PPFIBP1: variants seen among roughly 807,000 people sequenced by gnomAD.
PPFIBP1 encodes liprin-beta-1.
A neutral mutation model predicts 137.8 loss-of-function variants in PPFIBP1; 112 were observed. The ratio of observed to expected loss-of-function variants is 0.81; its 90% CI spans 0.70 to 0.95. The LOEUF (loss-of-function observed/expected upper bound fraction) is 0.95, where lower values mean the gene tolerates loss of function less well. PPFIBP1 is among the 40% of genes least tolerant of loss of function. The pLI, the probability that PPFIBP1 is intolerant of heterozygous loss-of-function variation, is 0.00. For synonymous variants in PPFIBP1, 378 were observed against 417.3 expected (o/e 0.91, Z 1.15); for missense variants, 1,083 against 1,196.6 (o/e 0.91, Z 1.40).
intron 17 of PPFIBP1, among the ~76,000 whole-genome samples, chr12:27,675,190 G>A (rs1403856989): frequency 6.6e-6 from 1 of 151,992 alleles, no homozygotes; most frequent in African/African-American, 2.4e-5. Context: ...CAGCCTGATA[G>A]GCTACCTCCA....
chr12:27,677,027 C>T, intron 18 of PPFIBP1, 37 bp from the exon 19 acceptor site: 1 of 1,614,026 alleles, frequency 6.2e-7, no homozygotes, highest in Non-Finnish European at 8.5e-7. Flanking sequence ...CTCCATTGGG[C>T]TGCGTGTGAT....
chr12:27,680,840 T>G (rs936054143), intron 21 of PPFIBP1, among the ~76,000 whole-genome samples: 4 of 152,186 alleles, frequency 2.6e-5, no homozygotes, highest in Admixed American at 1.3e-4. Context: ...ATAGACTGAC[T>G]AGAAACCCTT....
intron 1 of PPFIBP1, among the ~76,000 whole-genome samples, chr12:27,551,882 T>G (rs1254380117): frequency 6.6e-6 from 1 of 152,226 alleles, no homozygotes; most frequent in Non-Finnish European, 1.5e-5. Flanking sequence ...TTTGACAGAC[T>G]GTGGTTCATA....
At chr12:27,593,095 G>A (rs12229895) in intron 2 of PPFIBP1, among the ~76,000 whole-genome samples, 40,122 of 135,636 alleles carry the variant, frequency 0.3, 6,862 homozygotes, top group Middle Eastern at 0.47. Context: ...TCACACCACT[G>A]CACTCCAGCC....
chr12:27,691,761 G>A lies in PPFIBP1; in HGVS notation c.2698G>A (p.Ala900Thr), dbSNP rs774377348. The stretch of plus-strand genomic sequence containing the variant: ...TTTTCTTTTAAAGCCAAAGAAACTT[G>A]CCTTTAGCAATTTTGGGAATTTGAG... ...ATAKVKPKKL[A>T]FSNFGNLRKK... Residue 900 changes from alanine to threonine, a missense_variant, in exon 28 of 30, where the codon GCC becomes ACC. Ala to Thr is a moderately conservative substitution (Grantham distance 58, BLOSUM62 0). Coordinates refer to ENST00000228425, the MANE Select transcript of PPFIBP1 (RefSeq NM_003622.4). 3.1e-6 allele frequency: 5 copies of A among 1,608,890 alleles called. No individual in the cohort carries two copies. Among genetic ancestry groups the A allele is most frequent in the Non-Finnish European group, 3.4e-6 (4 of 1,177,926 alleles).
intron 1 of PPFIBP1, among the ~76,000 whole-genome samples, chr12:27,563,951 C>T (rs577596603): frequency 8.0e-4 from 121 of 151,536 alleles, no homozygotes; most frequent in African/African-American, 2.8e-3. Context: ...TGGCTCACTG[C>T]AACCCCCGCC....
chr12:27,644,030 T>C (rs7307224), intron 4 of PPFIBP1, among the ~76,000 whole-genome samples: 82,379 of 149,604 alleles, frequency 0.55, 23,223 homozygotes, highest in Non-Finnish European at 0.6. Flanking sequence ...GGAGGAAACA[T>C]TGCTCTCATC....
chr12:27,610,731 G>T (rs752158342), intron 2 of PPFIBP1, among the ~76,000 whole-genome samples: 4 of 152,140 alleles, frequency 2.6e-5, no homozygotes, highest in Non-Finnish European at 4.4e-5. Context: ...ATATCTGTGT[G>T]TCGCTGCCAG....
intron 2 of PPFIBP1, among the ~76,000 whole-genome samples, chr12:27,595,554 C>T (rs1311069057): frequency 1.2e-4 from 19 of 152,052 alleles, no homozygotes; most frequent in Admixed American, 4.6e-4. Context: ...CTTTTGCTTC[C>T]AAAATATTCT....
intron 10 of PPFIBP1, among the ~76,000 whole-genome samples, chr12:27,660,379 C>T (rs1006380166): frequency 1.6e-4 from 24 of 152,138 alleles, no homozygotes; most frequent in African/African-American, 5.6e-4. Flanking sequence ...ATTATCCTTA[C>T]GTATGGAACT....
chr12:27,565,845 G>GC (rs1357633315), intron 1 of PPFIBP1, among the ~76,000 whole-genome samples: 1 of 151,386 alleles, frequency 6.6e-6, no homozygotes, highest in Non-Finnish European at 1.5e-5. Flanking sequence ...GCACTACTTT[G>GC]CCGTCTGTTT....
At chr12:27,679,848 T>C in intron 20 of PPFIBP1, 85 bp from the exon 21 acceptor site, 1 of 1,519,080 alleles carries the variant, frequency 6.6e-7, no homozygotes, top group Non-Finnish European at 9.0e-7. Context: ...TTAGTTCCAG[T>C]AGGTGCACTA....
intron 2 of PPFIBP1, among the ~76,000 whole-genome samples, chr12:27,610,388 T>C (rs757003856): frequency 5.9e-5 from 9 of 152,132 alleles, no homozygotes; most frequent in Non-Finnish European, 1.3e-4. Flanking sequence ...TTTTTCAGAG[T>C]TGAAGACCAA....
chr12:27,597,802 G>A (rs1446095627), intron 2 of PPFIBP1, among the ~76,000 whole-genome samples: 1 of 151,970 alleles, frequency 6.6e-6, no homozygotes, highest in Non-Finnish European at 1.5e-5. Context: ...ATTTATTTAT[G>A]TATTTATTTA....
rs113928888 is a variant in PPFIBP1, at chr12:27,668,202, G to T, written c.1146+882G>T. On this transcript the variant is annotated intron_variant, in intron 13 of 29. Transcript: ENST00000228425. ...TTCCAGTGAGGCGTCAGCATCCCAGGATCTTGTCACCCAGACCAGGTCGAG... is the reference window on the plus strand; with the variant it reads ...TTCCAGTGAGGCGTCAGCATCCCAGTATCTTGTCACCCAGACCAGGTCGAG... 7.2e-5 allele frequency among the ~76,000 whole-genome samples: 11 copies of T among 152,284 alleles called. 2 individuals are homozygous for T. The highest frequency in any genetic ancestry group is 2.6e-4 in the African/African-American group (11 of 41,546).
intron 2 of PPFIBP1, among the ~76,000 whole-genome samples, chr12:27,604,093 G>T (rs1237529667): frequency 6.6e-6 from 1 of 152,178 alleles, no homozygotes; most frequent in East Asian, 1.9e-4. Flanking sequence ...GAAAAGTGGG[G>T]ATGGGGTGGA....
intron 1 of PPFIBP1, among the ~76,000 whole-genome samples, chr12:27,561,859 A>C (rs2049192132): frequency 6.6e-6 from 1 of 152,128 alleles, no homozygotes; most frequent in Non-Finnish European, 1.5e-5. Flanking sequence ...GCTGGGCAAC[A>C]TAGTGATAGC....
intron 7 of PPFIBP1, among the ~76,000 whole-genome samples, chr12:27,653,169 T>C (rs2058979857): frequency 1.3e-5 from 2 of 152,336 alleles, no homozygotes; most frequent in East Asian, 1.9e-4. Flanking sequence ...CTTAAAATAA[T>C]TTCTATTTAC....
Position 27,667,329 on chromosome 12 carries a change from A to C in PPFIBP1, c.1146+9A>C. The C allele has an allele frequency of 1.3e-6, 2 of 1,578,154 alleles. No individual in the cohort carries two copies. Among genetic ancestry groups the C allele is most frequent in the Non-Finnish European group, 1.7e-6 (2 of 1,162,950 alleles). On this transcript the variant is annotated intron_variant, in intron 13 of 29. Transcript: ENST00000228425. ...CAAGTGTTCCCGAAGAGGTATTAAT[A>C]GACTTTCAGTATTTCCTTTATGTTG...
Sources: allele counts gnomAD v4.1 joint callset (sites outside exome capture counted in the v4.1 genomes callset), GRCh38; gene constraint gnomAD v4.1.1; transcripts MANE v1.5; gene names NCBI Gene and HGNC (gene_info 2026-07-23, HGNC 2026-07-21).